Variants in MYRIP observed in about 807,000 individuals in gnomAD.
MYRIP encodes the protein rab effector MyRIP.
In MYRIP, 49 loss-of-function variants were observed where a neutral mutation model predicts 98.0. The ratio of observed to expected loss-of-function variants is 0.50; its 90% confidence interval spans 0.40 to 0.63. The LOEUF is 0.63. Ranked by LOEUF, MYRIP falls within the 30% of genes least tolerant of loss-of-function variation. MYRIP has a pLI of 0.00. For missense variants in MYRIP, 1,004 were observed against 1,058.2 expected, an observed-to-expected ratio of 0.95 and a Z score of 0.71; for synonymous variants, 404 against 409.5, an observed-to-expected ratio of 0.99 and a Z score of 0.16.
At chr3:39,832,434 T>A (rs1158554183) in intron 1 of MYRIP, among the ~76,000 whole-genome samples, 1 of 152,154 alleles carries the variant, frequency 6.6e-6, no homozygotes, top group Admixed American at 6.6e-5. Flanking sequence ...CTGAAGTAGG[T>A]CTCAAAAAAG....
At chr3:39,933,615 A>G (rs1402488190) in intron 2 of MYRIP, among the ~76,000 whole-genome samples, 1 of 152,236 alleles carries the variant, frequency 6.6e-6, no homozygotes, top group African/African-American at 2.4e-5. Flanking sequence ...CTTTACTTTT[A>G]TGAATTTTAA....
chr3:40,001,885 T>G (rs1035020824), intron 2 of MYRIP, among the ~76,000 whole-genome samples: 1 of 152,122 alleles, frequency 6.6e-6, no homozygotes, highest in Non-Finnish European at 1.5e-5. Context: ...TTCAATAGAC[T>G]CTGGTGACTG....
At chr3:39,947,207 T>G (rs1257818604) in intron 2 of MYRIP, among the ~76,000 whole-genome samples, 1 of 152,074 alleles carries the variant, frequency 6.6e-6, no homozygotes, top group Non-Finnish European at 1.5e-5. Flanking sequence ...AGGATGAGAT[T>G]AAGCATAGCA....
At chr3:40,218,626 A>ATATATATATATT (rs1377715135) in intron 11 of MYRIP, among the ~76,000 whole-genome samples, 2 of 14,808 alleles carry the variant, frequency 1.4e-4, no homozygotes, top group African/African-American at 2.2e-4. Context: ...ATATATATAT[A>ATATATATATATT]TATATATATA....
chr3:39,984,382 C>T (rs922184813), intron 2 of MYRIP, among the ~76,000 whole-genome samples: 4 of 152,098 alleles, frequency 2.6e-5, no homozygotes, highest in African/African-American at 9.7e-5. Context: ...CGCCCTCCCC[C>T]CATCCCACAA....
At chr3:40,176,009 A>G (rs1052162197) in intron 8 of MYRIP, among the ~76,000 whole-genome samples, 16 of 152,248 alleles carry the variant, frequency 1.1e-4, no homozygotes, top group African/African-American at 3.6e-4. Context: ...ATGTTTGTAC[A>G]TCACATGTGA....
chr3:40,004,517 G>A (rs932242146), intron 2 of MYRIP, among the ~76,000 whole-genome samples: 3 of 152,092 alleles, frequency 2.0e-5, no homozygotes, highest in African/African-American at 7.2e-5. Flanking sequence ...GGGAACAGGT[G>A]GTGTTTGGTT....
At chr3:39,979,326 T>G (rs1344505253) in intron 2 of MYRIP, among the ~76,000 whole-genome samples, 1 of 152,110 alleles carries the variant, frequency 6.6e-6, no homozygotes, top group Non-Finnish European at 1.5e-5. Context: ...TCTTAGGATA[T>G]TCATTGTTTG....
At chr3:40,057,868 T>G (rs1947915929) in intron 3 of MYRIP, among the ~76,000 whole-genome samples, 3 of 152,182 alleles carry the variant, frequency 2.0e-5, no homozygotes, top group Admixed American at 2.0e-4. Flanking sequence ...ACTTATTTGC[T>G]GGGTGATGGT....
Position 40,213,400 on chromosome 3 carries a change from A to G in MYRIP, c.1905+3307A>G, listed in dbSNP as rs532376868. Among the ~76,000 whole-genome samples the G allele has an allele frequency of 1.9e-3, 296 of 152,344 alleles. 6 individuals carry two copies. Among genetic ancestry groups the G allele is most frequent in the Middle Eastern group, 0.01 (3 of 294 alleles). On this transcript the variant is annotated intron_variant, in intron 11 of 16. Transcript: ENST00000302541. ...ATAAGCTTCACTGTCATGAAATAAC[A>G]TCCATCTGCTGGTACTGAAGGAACA...
chr3:40,115,794 CTT>C (rs375597220), intron 3 of MYRIP, among the ~76,000 whole-genome samples: 9 of 141,402 alleles, frequency 6.4e-5, no homozygotes, highest in African/African-American at 7.8e-5. Flanking sequence ...GTTCACAGTT[CTT>C]TTTTTTTTTT....
intron 3 of MYRIP, among the ~76,000 whole-genome samples, chr3:40,065,778 T>G (rs1310218312): frequency 1.3e-5 from 2 of 152,164 alleles, no homozygotes; most frequent in South Asian, 4.1e-4. Context: ...AATGCATGGA[T>G]GAACCTCATT....
chr3:39,883,745 A>G (rs1482947656), intron 1 of MYRIP, among the ~76,000 whole-genome samples: 1 of 152,084 alleles, frequency 6.6e-6, no homozygotes, highest in African/African-American at 2.4e-5. Flanking sequence ...AAATAAAAAA[A>G]GAATTTCTTA....
chr3:39,858,797 A>C (rs192452769), intron 1 of MYRIP, among the ~76,000 whole-genome samples: 129 of 152,246 alleles, frequency 8.5e-4, no homozygotes, highest in African/African-American at 3.0e-3. Flanking sequence ...CAATGGGTCA[A>C]ATAATAAATC....
intron 3 of MYRIP, chr3:40,071,169 G>C: frequency 1.0e-6 from 1 of 985,440 alleles, no homozygotes. Context: ...GTTCTGACCT[G>C]ACTTGTTCCC....
chr3:40,179,225 G>A (rs1396344373), intron 8 of MYRIP, among the ~76,000 whole-genome samples: 1 of 152,190 alleles, frequency 6.6e-6, no homozygotes, highest in African/African-American at 2.4e-5. Flanking sequence ...TTTCCACCCT[G>A]GCTGGAGACT....
chr3:40,103,249 T>C (rs192681285), intron 3 of MYRIP, among the ~76,000 whole-genome samples: 2 of 152,262 alleles, frequency 1.3e-5, no homozygotes, highest in East Asian at 3.9e-4. Context: ...CCTCCCTGCA[T>C]GTACTTCAAG....
intron 1 of MYRIP, among the ~76,000 whole-genome samples, chr3:39,815,370 C>G (rs1940866285): frequency 6.6e-6 from 1 of 151,848 alleles, no homozygotes. Flanking sequence ...TTGCTTCATT[C>G]CTTTTTATTG....
intron 2 of MYRIP, among the ~76,000 whole-genome samples, chr3:39,925,187 A>G (rs1280969994): frequency 1.3e-5 from 2 of 151,860 alleles, no homozygotes; most frequent in Non-Finnish European, 2.9e-5. Flanking sequence ...ATGATTTAAA[A>G]AATAAATCTT....
Sources: gnomAD v4.1 joint callset for allele counts (sites outside exome capture counted in the v4.1 genomes callset) on GRCh38, gnomAD v4.1.1 for gene constraint, MANE v1.5 for transcripts, NCBI Gene and HGNC (gene_info 2026-07-23, HGNC 2026-07-21) for gene names.